Variants in SEMA3E observed in about 807,000 individuals in gnomAD.
The protein encoded by SEMA3E is semaphorin 3E, also known as semaphorin-3E.
A neutral mutation model predicts 93.6 loss-of-function variants in SEMA3E; 49 were observed. The ratio of observed to expected loss-of-function variants is 0.52; its 90% CI spans 0.42 to 0.66. The LOEUF (loss-of-function observed/expected upper bound fraction) is 0.66, where lower values mean the gene tolerates loss of function less well. Among genes scored for constraint, SEMA3E ranks in the 30% least tolerant of loss-of-function variants. The pLI is 0.00. For synonymous variants in SEMA3E, 363 were observed against 330.7 expected (o/e 1.10, Z -1.06); for missense variants, 906 against 964.8 (o/e 0.94, Z 0.81).
chr7:83,608,278 T>G (rs578142001), intron 1 of SEMA3E, among the ~76,000 whole-genome samples: 2 of 151,930 alleles, frequency 1.3e-5, no homozygotes, highest in South Asian at 4.1e-4. Context: ...GGAGCAAGAG[T>G]GGATACTCAG....
intron 2 of SEMA3E, among the ~76,000 whole-genome samples, chr7:83,473,446 C>T: frequency 6.6e-6 from 1 of 152,172 alleles, no homozygotes; most frequent in East Asian, 1.9e-4. Flanking sequence ...TATCCATCAC[C>T]ATCCCAGCTT....
chr7:83,414,769 A>G lies in SEMA3E; in HGVS notation c.550+3621T>C, dbSNP rs146164240. On this transcript the variant is annotated intron_variant, in intron 5 of 16. Coordinates refer to ENST00000643230, the MANE Select transcript of SEMA3E (RefSeq NM_012431.3). ...TTCAAAGCAAAGTTTCAAAAGGTAC[A>G]TGACAAATCAGGGTGTTTTTTTCCC... is the stretch of plus-strand genomic sequence containing the variant. Among the ~76,000 whole-genome samples the G allele has an allele frequency of 4.1e-3, 618 of 152,242 alleles. 7 individuals are homozygous for G. Among genetic ancestry groups the G allele is most frequent in the African/African-American group, 0.014 (591 of 41,562 alleles).
chr7:83,424,935 G>A (rs10263946), intron 4 of SEMA3E: 6,870 of 272,090 alleles, frequency 0.025, 439 homozygotes, highest in African/African-American at 0.14. Context: ...GTGTGGGAGG[G>A]TAGCTGGATC....
At chr7:83,550,112 A>G (rs567479487) in intron 1 of SEMA3E, among the ~76,000 whole-genome samples, 2 of 152,242 alleles carry the variant, frequency 1.3e-5, no homozygotes, top group Non-Finnish European at 2.9e-5. Flanking sequence ...TCGTAAGCCA[A>G]GAAAATCAAC....
Position 83,593,246 on chromosome 7 carries a change from TTC to T in SEMA3E, c.115+55180_115+55181del, listed in dbSNP as rs200690853. On this transcript the variant is annotated intron_variant, in intron 1 of 16. Coordinates refer to ENST00000643230, the MANE Select transcript of SEMA3E (RefSeq NM_012431.3). The stretch of plus-strand genomic sequence containing the variant: ...CCTCTCTCTCTCTCTCTTTCGCTCT[TTC>T]TCTCTCTCTCTGTCTCTCTCTCTCT... Among the ~76,000 whole-genome samples, 6 of 99,698 alleles carry T rather than the reference TTC, an allele frequency of 6.0e-5. No individual in the cohort carries two copies. In the South Asian group the frequency reaches 1.4e-3, roughly 23 times the overall value. The allele number at this position is 99,698 out of a possible 152,430, so 65.4% of individuals were successfully genotyped here. A position where few individuals can be genotyped will look rare whatever the true frequency, so the allele number is the denominator to read the frequency against.
At chr7:83,479,058 A>C (rs570881534) in intron 2 of SEMA3E, among the ~76,000 whole-genome samples, 5 of 152,300 alleles carry the variant, frequency 3.3e-5, no homozygotes, top group African/African-American at 1.2e-4. Flanking sequence ...TTTCAACAGC[A>C]TTGCAGTCAG....
Position 83,539,715 on chromosome 7 carries a change from T to C in SEMA3E, c.116-49441A>G, listed in dbSNP as rs989243119. Reference sequence around the variant, plus strand: ...CTCTTTTCCTAATATTTCTGCTAAGTTATCCTTCATTGGGATTATTTTCAT... The same window carrying C: ...CTCTTTTCCTAATATTTCTGCTAAGCTATCCTTCATTGGGATTATTTTCAT... On this transcript the variant is annotated intron_variant, in intron 1 of 16. Transcript: ENST00000643230. Among the ~76,000 whole-genome samples the C allele has an allele frequency of 2.5e-4, 38 of 152,306 alleles. 1 individual carries two copies. The highest frequency in any genetic ancestry group is 5.2e-4 in the Admixed American group (8 of 15,292).
chr7:83,470,736 C>T (rs1194866611), intron 2 of SEMA3E, among the ~76,000 whole-genome samples: 2 of 152,010 alleles, frequency 1.3e-5, no homozygotes, highest in Non-Finnish European at 2.9e-5. Context: ...GAAGTTAAAT[C>T]TCATCTCTTT....
chr7:83,515,233 G>A (rs962676949), intron 1 of SEMA3E, among the ~76,000 whole-genome samples: 70 of 150,302 alleles, frequency 4.7e-4, no homozygotes, highest in African/African-American at 1.6e-3. Context: ...GGAAGTTCCT[G>A]TGCTGCAGGT....
chr7:83,384,736 C>G (rs1787845653), intron 16 of SEMA3E, among the ~76,000 whole-genome samples: 1 of 152,072 alleles, frequency 6.6e-6, no homozygotes, highest in Non-Finnish European at 1.5e-5. Context: ...ATTCCTCTCC[C>G]ATCATTTAGA....
chr7:83,411,469 G>A (rs1009539348), intron 5 of SEMA3E, among the ~76,000 whole-genome samples: 1 of 151,906 alleles, frequency 6.6e-6, no homozygotes, highest in Non-Finnish European at 1.5e-5. Flanking sequence ...TCATATCAAT[G>A]CAAATTTAAA....
At chr7:83,438,517 C>T (rs532066465) in intron 4 of SEMA3E, among the ~76,000 whole-genome samples, 6 of 152,100 alleles carry the variant, frequency 3.9e-5, no homozygotes, top group East Asian at 3.9e-4. Flanking sequence ...TTAACAGTTA[C>T]ACACATGCCT....
intron 2 of SEMA3E, among the ~76,000 whole-genome samples, chr7:83,471,202 T>C (rs1370887228): frequency 6.6e-6 from 1 of 152,188 alleles, no homozygotes; most frequent in African/African-American, 2.4e-5. Context: ...TGCAGCATTT[T>C]CTTTTTGCTT....
intron 1 of SEMA3E, among the ~76,000 whole-genome samples, chr7:83,526,731 G>C (rs1791168031): frequency 6.6e-6 from 1 of 152,092 alleles, no homozygotes; most frequent in South Asian, 2.1e-4. Flanking sequence ...TCAGTGGTTT[G>C]TGCTTTAAAA....
intron 1 of SEMA3E, among the ~76,000 whole-genome samples, chr7:83,587,747 TATAA>T (rs1413906238): frequency 1.3e-5 from 2 of 151,940 alleles, no homozygotes; most frequent in African/African-American, 4.8e-5. Context: ...AAAATGACAG[TATAA>T]ATATAAATAT....
chr7:83,494,369 G>C (rs1380561452), intron 1 of SEMA3E, among the ~76,000 whole-genome samples: 1 of 151,612 alleles, frequency 6.6e-6, no homozygotes, highest in Non-Finnish European at 1.5e-5. Flanking sequence ...GTTTTAATAG[G>C]TATACCGAAA....
intron 1 of SEMA3E, among the ~76,000 whole-genome samples, chr7:83,532,541 C>T (rs570359485): frequency 6.6e-6 from 1 of 152,156 alleles, no homozygotes; most frequent in East Asian, 1.9e-4. Context: ...TAACCCTTTC[C>T]TTAAGAAGAA....
Position 83,570,552 on chromosome 7 carries a change from C to CAAAAA in SEMA3E, c.115+77871_115+77875dup, listed in dbSNP as rs59715914. 7.3e-4 allele frequency among the ~76,000 whole-genome samples: 24 copies of CAAAAA among 33,082 alleles called. 3 individuals carry two copies. Among genetic ancestry groups the CAAAAA allele is most frequent in the African/African-American group, 1.6e-3 (7 of 4,368 alleles). 21.7% of individuals were successfully genotyped at this position (33,082 alleles called of 152,430 possible). On this transcript the variant is annotated intron_variant, in intron 1 of 16. Coordinates refer to ENST00000643230, the MANE Select transcript of SEMA3E (RefSeq NM_012431.3). ...TGGGCGACAGAGCGAGACTCCGTCT[C>CAAAAA]AAAAAAAAAAAAAAAAAAAAGAAGT... is the stretch of plus-strand genomic sequence containing the variant.
At chr7:83,569,415 A>G (rs1792228550) in intron 1 of SEMA3E, among the ~76,000 whole-genome samples, 1 of 152,148 alleles carries the variant, frequency 6.6e-6, no homozygotes, top group Admixed American at 6.6e-5. Context: ...ATGGTCTAAA[A>G]GCTCCACTTA....
Sources: gnomAD v4.1 joint callset for allele counts (sites outside exome capture counted in the v4.1 genomes callset) on GRCh38, gnomAD v4.1.1 for gene constraint, MANE v1.5 for transcripts, NCBI Gene and HGNC (gene_info 2026-07-23, HGNC 2026-07-21) for gene names.